Variants in ZMYND11 observed in about 807,000 individuals in gnomAD.
ZMYND11 encodes the protein zinc finger MYND-type containing 11, also known as zinc finger MYND domain-containing protein 11.
Under a neutral mutation model 84.9 loss-of-function variants are expected in ZMYND11, and 9 were observed. That is an observed-to-expected ratio of 0.11 (90% CI 0.06 to 0.18). ZMYND11 has a LOEUF of 0.18. ZMYND11 is among the 10% of genes least tolerant of loss of function. The probability of loss-of-function intolerance (pLI) is 1.00; values close to 1 mark genes in which losing one functional copy is unlikely to be tolerated. For missense variants in ZMYND11, 409 were observed against 761.0 expected (o/e 0.54, Z 5.44); for synonymous variants, 250 against 244.1 (o/e 1.02, Z -0.23).
chr10:236,084 C>A (rs1179850718), intron 4 of ZMYND11, among the ~76,000 whole-genome samples: 2 of 152,172 alleles, frequency 1.3e-5, no homozygotes, highest in African/African-American at 4.8e-5. Context: ...AGTGGCCACA[C>A]CCACTCATTT....
chr10:158,984 GTTTTTTGT>G (rs1842342468), intron 1 of ZMYND11, among the ~76,000 whole-genome samples: 1 of 40,024 alleles, frequency 2.5e-5, no homozygotes. Flanking sequence ...AGGGTTTTTT[GTTTTTTGT>G]TTTTTTTTTT....
chr10:233,149 C>G, intron 4 of ZMYND11, among the ~76,000 whole-genome samples: 1 of 152,222 alleles, frequency 6.6e-6, no homozygotes, highest in East Asian at 1.9e-4. Context: ...TGCCTAGACC[C>G]CATCCCGCAG....
intron 2 of ZMYND11, among the ~76,000 whole-genome samples, chr10:183,101 C>G (rs2130765629): frequency 6.6e-6 from 1 of 152,170 alleles, no homozygotes; most frequent in South Asian, 2.1e-4. Context: ...AAGTTGTGGG[C>G]TTTGGGGTGA....
chr10:222,191 TAAGTA>T (rs1244684575), intron 4 of ZMYND11, among the ~76,000 whole-genome samples: 12 of 152,354 alleles, frequency 7.9e-5, no homozygotes, highest in Middle Eastern at 3.4e-3. Context: ...TTGCGTAATT[TAAGTA>T]TTTTTTTGCT....
chr10:239,676 ATAGAT>A (rs1277786977), intron 7 of ZMYND11, 151 bp downstream of exon 7: 17 of 669,180 alleles, frequency 2.5e-5, no homozygotes, highest in Admixed American at 6.0e-5. Context: ...ATCTGGTGAT[ATAGAT>A]TATAGAATGG....
intron 1 of ZMYND11, among the ~76,000 whole-genome samples, chr10:143,766 C>T (rs1006707163): frequency 1.3e-5 from 2 of 152,138 alleles, no homozygotes; most frequent in Non-Finnish European, 2.9e-5. Context: ...CCAGTCTGCA[C>T]GTATATGTTC....
chr10:183,795 T>A (rs982693081), intron 2 of ZMYND11, among the ~76,000 whole-genome samples: 1 of 152,222 alleles, frequency 6.6e-6, no homozygotes, highest in Non-Finnish European at 1.5e-5. Flanking sequence ...CTTTGACCAG[T>A]TGGAGCCTGT....
intron 1 of ZMYND11, among the ~76,000 whole-genome samples, chr10:138,332 G>T (rs782550024): frequency 6.6e-6 from 1 of 151,954 alleles, no homozygotes; most frequent in African/African-American, 2.4e-5. Flanking sequence ...TGTTGGCCAG[G>T]TCTCAGACTC....
chr10:159,887 G>A (rs1272700163), intron 1 of ZMYND11, among the ~76,000 whole-genome samples: 2 of 152,028 alleles, frequency 1.3e-5, no homozygotes, highest in Non-Finnish European at 2.9e-5. Flanking sequence ...ATTCTTTTGA[G>A]TTTTCTGGAT....
intron 1 of ZMYND11, among the ~76,000 whole-genome samples, chr10:150,006 C>T (rs535544508): frequency 2.2e-4 from 33 of 152,252 alleles, no homozygotes; most frequent in East Asian, 3.9e-4. Context: ...CTGCTGGATT[C>T]GGTTTGCCAG....
chr10:138,248 T>C (rs1554752835), intron 1 of ZMYND11, among the ~76,000 whole-genome samples: 1 of 150,156 alleles, frequency 6.7e-6, no homozygotes, highest in African/African-American at 2.5e-5. Flanking sequence ...TAGCTCGTAC[T>C]ACAGGCATGT....
At chr10:234,983 TG>T (rs1949697839) in intron 4 of ZMYND11, among the ~76,000 whole-genome samples, 1 of 12,294 alleles carries the variant, frequency 8.1e-5, no homozygotes, top group Admixed American at 7.2e-4. Flanking sequence ...ATTTCGCAAA[TG>T]TGTGTGTGTG....
intron 4 of ZMYND11, among the ~76,000 whole-genome samples, chr10:225,327 AT>A (rs1442992060): frequency 1.3e-5 from 2 of 148,298 alleles, no homozygotes; most frequent in Admixed American, 6.8e-5. Flanking sequence ...GATAAGATGA[AT>A]TTTTTGTTGT....
At chr10:155,856 G>A (rs977936667) in intron 1 of ZMYND11, among the ~76,000 whole-genome samples, 2 of 152,214 alleles carry the variant, frequency 1.3e-5, no homozygotes, top group Admixed American at 1.3e-4. Context: ...TCATGGTGAT[G>A]TATTGACATT....
rs950513406 is a variant in ZMYND11, at chr10:248,585, G to A, written c.1477G>A (p.Val493Ile). The A allele has an allele frequency of 9.9e-6, 16 of 1,610,682 alleles. No individual in the cohort carries two copies. The Admixed American group carries it at 1.8e-4, about 18-fold the overall frequency. Residue 493 changes from valine to isoleucine, a missense_variant, in exon 13 of 15, where the codon GTT becomes ATT. Physicochemically the swap from Val to Ile is conservative, Grantham distance 29. This residue lies in a region of ZMYND11 where 141 missense variants were observed against 173.8 expected (regional missense o/e 0.81). Transcript: ENST00000381604. ...GGACCACAAGCGGGAGACAGAGCGT[G>A]TTGTCCGAGAAGCTCTGGAGAAGGT... The part of the protein sequence containing the change: ...KSDHKRETER[V>I]VREALEKLRS...
At chr10:248,755 AATG>A (rs1353867430) in intron 13 of ZMYND11, 145 bp from the exon 14 acceptor site, 3 of 1,389,034 alleles carry the variant, frequency 2.2e-6, no homozygotes, top group South Asian at 3.0e-5. Flanking sequence ...TTCAAGTAAT[AATG>A]ATACTTTCCT....
chr10:186,510 G>A (rs545061301), intron 2 of ZMYND11, among the ~76,000 whole-genome samples: 6 of 151,508 alleles, frequency 4.0e-5, no homozygotes, highest in Non-Finnish European at 8.8e-5. Context: ...GCATGGTGGC[G>A]CACGCCTGTA....
chr10:182,217 A>G (rs562752654), intron 2 of ZMYND11, among the ~76,000 whole-genome samples: 38 of 152,330 alleles, frequency 2.5e-4, no homozygotes, highest in Non-Finnish European at 5.0e-4. Context: ...TAACTCCCAC[A>G]GTAATGGGTG....
At chr10:249,721 A>C in intron 14 of ZMYND11, 1 of 985,410 alleles carries the variant, frequency 1.0e-6, no homozygotes, top group Non-Finnish European at 1.2e-6. Context: ...ATTAGGGAAA[A>C]GTTTTGCTCC....
Sources: gnomAD v4.1 joint callset for allele counts (sites outside exome capture counted in the v4.1 genomes callset) on GRCh38, gnomAD v4.1.1 for gene constraint, gnomAD v4.1.1 regional missense constraint, MANE v1.5 for transcripts, NCBI Gene and HGNC (gene_info 2026-07-23, HGNC 2026-07-21) for gene names.